Variants in ACSF3 observed in about 807,000 individuals in gnomAD.
ACSF3 encodes acyl-CoA synthetase family member 3.
In ACSF3, 78 loss-of-function variants were observed where a neutral mutation model predicts 53.2. That is an observed-to-expected ratio of 1.47 (90% CI 1.22 to 1.77). The LOEUF is 1.77. Among genes scored for constraint, ACSF3 ranks in the 40% most tolerant of loss-of-function variants. The pLI is 0.00. For synonymous variants in ACSF3, 414 were observed against 333.1 expected (o/e 1.24, Z -2.65); for missense variants, 937 against 771.1 (o/e 1.22, Z -2.55).
chr16:89,109,512 A>G (rs1197540804), intron 4 of ACSF3, among the ~76,000 whole-genome samples: 1 of 141,452 alleles, frequency 7.1e-6, no homozygotes, highest in African/African-American at 2.6e-5. Context: ...CCTGGGTTCA[A>G]GCGCTTCTCC....
Position 89,101,342 on chromosome 16 carries a change from G to T in ACSF3, c.661G>T (p.Ala221Ser). 3.8e-6 allele frequency: 6 copies of T among 1,583,818 alleles called. No individual in the cohort carries two copies. Among genetic ancestry groups the T allele is most frequent in the Non-Finnish European group, 5.1e-6 (6 of 1,165,668 alleles). ...GCTGAGCACGCACCAAAACATCAGG[G>T]CTGTGGTGAGTGCCGCCTGGCGCCG... ...GVLSTHQNIR[A>S]VVTGLVHKWA... The change falls in exon 3 of 11, where the codon GCT becomes TCT. Residue 221 changes from alanine (A) to serine (S), a missense_variant. Physicochemically the swap from Ala to Ser is moderately conservative, Grantham distance 99. Coordinates refer to ENST00000614302, the MANE Select transcript of ACSF3 (RefSeq NM_001243279.3).
chr16:89,097,425 G>A (rs1243657643), intron 1 of ACSF3, among the ~76,000 whole-genome samples: 1 of 152,236 alleles, frequency 6.6e-6, no homozygotes, highest in Non-Finnish European at 1.5e-5. Context: ...ACCGTCCCCT[G>A]CTCCGAGCAC....
rs573477301 is a variant in ACSF3 at position 89,122,043 on chromosome 16, C to T, written c.1239+1130C>T. On this transcript the variant is annotated intron_variant, in intron 7 of 10. Coordinates refer to ENST00000614302, the MANE Select transcript of ACSF3 (RefSeq NM_001243279.3). Reference sequence around the variant, plus strand: ...CCCTGAAGTGGGTATTCTGTTTCCCCGTGGAAACCTCTCACCTGGGGCCAC... The same window carrying T: ...CCCTGAAGTGGGTATTCTGTTTCCCTGTGGAAACCTCTCACCTGGGGCCAC... Among the ~76,000 whole-genome samples, 6 of 144,136 alleles carry T rather than the reference C, an allele frequency of 4.2e-5. No individual in the cohort carries two copies. In the South Asian group the frequency reaches 1.1e-3, roughly 27 times the overall value. 94.6% of individuals were successfully genotyped at this position (144,136 alleles called of 152,430 possible).
chr16:89,114,220 C>G, intron 5 of ACSF3, 119 bp from the exon 6 acceptor site: 1 of 1,394,934 alleles, frequency 7.2e-7, no homozygotes, highest in South Asian at 1.2e-5. Flanking sequence ...CTCCTGCACT[C>G]GTGAAGGAGC....
intron 1 of ACSF3, among the ~76,000 whole-genome samples, chr16:89,096,365 T>C (rs539447136): frequency 6.6e-6 from 1 of 152,300 alleles, no homozygotes; most frequent in Non-Finnish European, 1.5e-5. Flanking sequence ...AGGTTCTCTC[T>C]GAGGAAGCTG....
intron 7 of ACSF3, among the ~76,000 whole-genome samples, chr16:89,131,042 A>G (rs908503666): frequency 1.4e-5 from 2 of 143,736 alleles, no homozygotes; most frequent in African/African-American, 2.6e-5. Context: ...GTTCTGCTTT[A>G]TATCTGTTAT....
At position 89,119,089 on chromosome 16, in the gene ACSF3, C is replaced by T. The variant is rs527659029; in HGVS notation, c.1127-1712C>T. On this transcript the variant is annotated intron_variant, in intron 6 of 10. Coordinates refer to ENST00000614302, the MANE Select transcript of ACSF3 (RefSeq NM_001243279.3). Reference sequence around the variant, plus strand: ...TGGCACCTGGAGTGTGGGGGCCCCTCCCTGAAGCTCTCACGGGCGGCACCT... The same window carrying T: ...TGGCACCTGGAGTGTGGGGGCCCCTTCCTGAAGCTCTCACGGGCGGCACCT... Among the ~76,000 whole-genome samples the T allele has an allele frequency of 2.0e-5, 3 of 151,606 alleles. 1 individual carries two copies. The highest frequency in any genetic ancestry group is 2.0e-4 in the East Asian group (1 of 5,128).
At chr16:89,141,313 G>T in intron 8 of ACSF3, 1 of 1,285,468 alleles carries the variant, frequency 7.8e-7, no homozygotes, top group Non-Finnish European at 1.0e-6. Flanking sequence ...AATGGGCAGG[G>T]AGATGTCGAC....
rs751447350 is a variant in ACSF3 at position 89,120,897 on chromosome 16, A to C, written c.1223A>C (p.Asp408Ala). 6.2e-7 allele frequency: 1 copy of C among 1,613,874 alleles called. No individual in the cohort carries two copies. Among genetic ancestry groups the C allele is most frequent in the South Asian group, 1.1e-5 (1 of 91,078 alleles). Residue 408 changes from aspartate to alanine, a missense_variant, in exon 7 of 11, where the codon GAC (aspartate) becomes GCC (alanine). Coordinates refer to ENST00000614302, the MANE Select transcript of ACSF3 (RefSeq NM_001243279.3). ...ACSYTIHAEGDERGTKVTPGF... is the reference protein window; with the variant it reads ...ACSYTIHAEGAERGTKVTPGF... Reference sequence around the variant, plus strand: ...TCCTACACCATCCACGCAGAGGGAGACGAGAGGGGGACCAAGGTAAGCCAC... The same window carrying C: ...TCCTACACCATCCACGCAGAGGGAGCCGAGAGGGGGACCAAGGTAAGCCAC...
At chr16:89,097,352 C>G (rs976737210) in intron 1 of ACSF3, among the ~76,000 whole-genome samples, 12 of 152,222 alleles carry the variant, frequency 7.9e-5, no homozygotes, top group Admixed American at 2.0e-4. Context: ...TGACAGGCAC[C>G]TTCTATATTG....
intron 9 of ACSF3, 143 bp from the exon 10 acceptor site, chr16:89,145,795 A>ATT: frequency 1.3e-6 from 1 of 799,430 alleles, no homozygotes; most frequent in Non-Finnish European, 2.2e-6. Flanking sequence ...CAGCACCAGG[A>ATT]CGAGTGATTG....
chr16:89,143,250 A>G (rs1428794179), intron 8 of ACSF3, among the ~76,000 whole-genome samples: 1 of 151,288 alleles, frequency 6.6e-6, no homozygotes, highest in Non-Finnish European at 1.5e-5. Flanking sequence ...GTGCAGCCTC[A>G]GCCCCGTGAG....
chr16:89,099,834 TAAAG>T (rs1177449353), intron 2 of ACSF3, among the ~76,000 whole-genome samples: 5 of 125,468 alleles, frequency 4.0e-5, no homozygotes, highest in South Asian at 2.5e-4. Context: ...AGATAGATAA[TAAAG>T]AGAGAGAGAG....
At position 89,156,176 on chromosome 16, in the gene ACSF3, C is replaced by G. The variant is rs200349157; in HGVS notation, c.*1969C>G. The stretch of plus-strand genomic sequence containing the variant: ...CTGCTCCACCAGCCGAGAACAAGCC[C>G]GTCCTGGAGGGAACTCATCCTCTCC... On this transcript the variant is annotated 3_prime_UTR_variant, in exon 11 of 11. Transcript: ENST00000614302. 6.6e-6 allele frequency among the ~76,000 whole-genome samples: 1 copy of G among 152,182 alleles called. No homozygotes were observed. Among genetic ancestry groups the G allele is most frequent in the Non-Finnish European group, 1.5e-5 (1 of 68,022 alleles).
intron 9 of ACSF3, 43 bp downstream of exon 9, chr16:89,145,444 T>G (rs758960915): frequency 1.5e-4 from 242 of 1,610,162 alleles, no homozygotes; most frequent in Non-Finnish European, 1.8e-4. Context: ...GCTAGACGGG[T>G]GCTGCCTTCC....
intron 6 of ACSF3, among the ~76,000 whole-genome samples, chr16:89,118,129 G>T (rs891701917): frequency 7.0e-6 from 1 of 142,054 alleles, no homozygotes; most frequent in Non-Finnish European, 1.5e-5. Context: ...TCCCTCGGGC[G>T]CCGGGGACGC....
At chr16:89,136,573 G>A (rs1490766818) in intron 8 of ACSF3, 2 of 1,279,488 alleles carry the variant, frequency 1.6e-6, no homozygotes, top group Non-Finnish European at 1.0e-6. Context: ...ACGGATTCTG[G>A]CATAAGCCGG....
chr16:89,104,190 C>T (rs1975700033), intron 4 of ACSF3, among the ~76,000 whole-genome samples: 1 of 152,236 alleles, frequency 6.6e-6, no homozygotes, highest in African/African-American at 2.4e-5. Flanking sequence ...GGACGTTTAC[C>T]AGCCTCTGCC....
intron 7 of ACSF3, among the ~76,000 whole-genome samples, chr16:89,123,621 T>A (rs1486982739): frequency 6.6e-6 from 1 of 152,216 alleles, no homozygotes; most frequent in Non-Finnish European, 1.5e-5. Flanking sequence ...CCTAGGCCTG[T>A]GGAGTGACTC....
Sources: allele counts gnomAD v4.1 joint callset (sites outside exome capture counted in the v4.1 genomes callset), GRCh38; gene constraint gnomAD v4.1.1; transcripts MANE v1.5; gene names NCBI Gene and HGNC (gene_info 2026-07-23, HGNC 2026-07-21).